Variants in WDR45B observed in about 807,000 individuals in gnomAD.
WDR45B encodes WD repeat domain phosphoinositide-interacting protein 3.
A neutral mutation model predicts 44.6 loss-of-function variants in WDR45B; 20 were observed. That is an observed-to-expected ratio of 0.45 (90% CI 0.32 to 0.65). The LOEUF is 0.65. Ranked by LOEUF, WDR45B falls within the 30% of genes least tolerant of loss-of-function variation. The pLI is 0.05. For missense variants in WDR45B, 323 were observed against 430.2 expected (o/e 0.75, Z 2.20); for synonymous variants, 169 against 164.9 (o/e 1.02, Z -0.19).
intron 1 of WDR45B, among the ~76,000 whole-genome samples, chr17:82,646,562 AC>A (rs2143396313): frequency 6.6e-6 from 1 of 151,996 alleles, no homozygotes; most frequent in East Asian, 1.9e-4. Flanking sequence ...AAAATAAAGT[AC>A]AGAAGTAGGC....
rs1307332001 is a variant in WDR45B, at chr17:82,619,106, T to C, written c.641A>G (p.Asp214Gly). The C allele has an allele frequency of 1.2e-6, 2 of 1,614,080 alleles. No individual in the cohort carries two copies. Among genetic ancestry groups the C allele is most frequent in the Non-Finnish European group, 1.7e-6 (2 of 1,180,042 alleles). ...SEKGTLIRIF[D>G]TSSGHLIQEL... ...CTGGATTAAATGCCCTGATGAAGTA[T>C]CAAATATTCTTATAAGCGTCCCCTT... is the stretch of plus-strand genomic sequence containing the variant. Residue 214 changes from aspartate to glycine, a missense_variant, in exon 7 of 10, where the codon GAT (aspartate) becomes GGT (glycine). Coordinates refer to ENST00000392325, the MANE Select transcript of WDR45B (RefSeq NM_019613.4).
At chr17:82,633,104 A>C (rs897053416) in intron 2 of WDR45B, among the ~76,000 whole-genome samples, 3 of 150,268 alleles carry the variant, frequency 2.0e-5, no homozygotes, top group Non-Finnish European at 4.4e-5. Flanking sequence ...CAGAGGTTGC[A>C]GTGAGCAAGG....
rs1247377789 is a variant in WDR45B at position 82,615,076 on chromosome 17, G to A, written c.*843C>T. On this transcript the variant is annotated 3_prime_UTR_variant, in exon 10 of 10. Coordinates refer to ENST00000392325, the MANE Select transcript of WDR45B (RefSeq NM_019613.4). ...GCAGACGACCCCGAAGTTAAAGGAT[G>A]TTTTCCCCATAACGAATGTTCAAAG... The A allele has an allele frequency of 6.6e-6, 1 of 152,118 alleles. No individual in the cohort carries two copies. The highest frequency in any genetic ancestry group is 2.4e-5 in the African/African-American group (1 of 41,406). The allele number at this position is 152,118 out of a possible 1,614,324, so 9.4% of individuals were successfully genotyped here.
At chr17:82,646,906 C>T (rs1487850054) in intron 1 of WDR45B, among the ~76,000 whole-genome samples, 1 of 152,174 alleles carries the variant, frequency 6.6e-6, no homozygotes, top group East Asian at 1.9e-4. Flanking sequence ...GGGCATCAGG[C>T]ATCAAAATCA....
At chr17:82,616,377 G>A (rs2045535405) in intron 9 of WDR45B, 147 bp downstream of exon 9, 1 of 1,300,578 alleles carries the variant, frequency 7.7e-7, no homozygotes, top group Non-Finnish European at 1.1e-6. Flanking sequence ...GGGACACACT[G>A]AGCCCACAGG....
At chr17:82,629,172 T>C (rs1459497268) in intron 3 of WDR45B, among the ~76,000 whole-genome samples, 1 of 152,216 alleles carries the variant, frequency 6.6e-6, no homozygotes, top group African/African-American at 2.4e-5. Flanking sequence ...CCTGAGATTA[T>C]CTCATACAAA....
intron 5 of WDR45B, among the ~76,000 whole-genome samples, chr17:82,624,077 T>A (rs1568005039): frequency 6.6e-6 from 1 of 151,846 alleles, no homozygotes; most frequent in Non-Finnish European, 1.5e-5. Flanking sequence ...CCAAGAGACA[T>A]GAAACTACCC....
intron 8 of WDR45B, 123 bp from the exon 9 acceptor site, chr17:82,616,768 A>T (rs1365914405): frequency 8.7e-6 from 11 of 1,257,782 alleles, no homozygotes; most frequent in Admixed American, 2.3e-5. Flanking sequence ...GCTTTAATGA[A>T]TTTTTTTTTT....
At chr17:82,645,952 C>T (rs543587993) in intron 1 of WDR45B, among the ~76,000 whole-genome samples, 1 of 151,726 alleles carries the variant, frequency 6.6e-6, no homozygotes, top group African/African-American at 2.4e-5. Context: ...GAAACCCCAT[C>T]TCTATTCAAA....
At chr17:82,617,187 G>A (rs2045548539) in intron 8 of WDR45B, 109 bp downstream of exon 8, 1 of 946,126 alleles carries the variant, frequency 1.1e-6, no homozygotes, top group Non-Finnish European at 1.7e-6. Context: ...AGCATATGAG[G>A]TCTGTCCACA....
chr17:82,635,291 AT>A lies in WDR45B; in HGVS notation c.143-4270del, dbSNP rs558231867. On this transcript the variant is annotated intron_variant, in intron 2 of 9. Coordinates refer to ENST00000392325, the MANE Select transcript of WDR45B (RefSeq NM_019613.4). The stretch of plus-strand genomic sequence containing the variant: ...AGAAACACATCTGAGTGACCTGAGA[AT>A]TATGTCAAGGTCACTAATGTACTCT... 3.9e-5 allele frequency among the ~76,000 whole-genome samples: 6 copies of A among 152,032 alleles called. No homozygotes were observed. In the South Asian group the frequency reaches 1.2e-3, roughly 32 times the overall value.
chr17:82,631,554 G>A (rs1212552696), intron 2 of WDR45B, among the ~76,000 whole-genome samples: 5 of 146,300 alleles, frequency 3.4e-5, no homozygotes, highest in Admixed American at 2.1e-4. Context: ...CAAAATGCTG[G>A]GACTACAGAC....
At position 82,621,782 on chromosome 17, in the gene WDR45B, G is replaced by C; in HGVS notation, c.445C>G (p.Pro149Ala). The C allele has an allele frequency of 6.2e-7, 1 of 1,614,112 alleles. No individual in the cohort carries two copies. The highest frequency in any genetic ancestry group is 8.5e-7 in the Non-Finnish European group (1 of 1,180,026). The change falls in exon 6 of 10, where the codon CCC (proline) becomes GCC (alanine). Residue 149 changes from proline to alanine, a missense_variant. Pro to Ala is a conservative substitution (Grantham distance 27). Coordinates refer to ENST00000392325, the MANE Select transcript of WDR45B (RefSeq NM_019613.4). The stretch of plus-strand genomic sequence containing the variant: ...GCCAGGAGGGAGTTGTTACTATTGG[G>C]ACAAAGGACACAGAGGCCTGCGTGG... ...YNPKGLCVLC[P>A]NSNNSLLAFP...
At chr17:82,645,562 G>A (rs2045965321) in intron 1 of WDR45B, among the ~76,000 whole-genome samples, 1 of 151,786 alleles carries the variant, frequency 6.6e-6, no homozygotes, top group African/African-American at 2.4e-5. Flanking sequence ...TCTTAGACCT[G>A]CTAGTTGAGG....
chr17:82,639,756 G>C (rs1367465434), intron 2 of WDR45B, among the ~76,000 whole-genome samples: 3 of 149,968 alleles, frequency 2.0e-5, no homozygotes, highest in Non-Finnish European at 3.0e-5. Context: ...GCTGTGTGTA[G>C]GTGGGGCGGG....
At chr17:82,625,925 C>T (rs1224403195) in intron 4 of WDR45B, 2 of 242,688 alleles carry the variant, frequency 8.2e-6, no homozygotes, top group African/African-American at 2.3e-5. Flanking sequence ...CACTCTGTCG[C>T]TCAGGCTGGA....
intron 4 of WDR45B, chr17:82,626,837 C>G (rs1171082627): frequency 3.3e-6 from 1 of 302,654 alleles, no homozygotes; most frequent in Admixed American, 4.7e-5. Flanking sequence ...TATTGAGAGG[C>G]AGCATTTGGC....
chr17:82,616,068 T>G, intron 9 of WDR45B, 43 bp from the exon 10 acceptor site: 1 of 1,575,198 alleles, frequency 6.3e-7, no homozygotes. Flanking sequence ...TTTCTTTCCC[T>G]CAAGTTAAAA....
At chr17:82,642,615 G>C (rs967457753) in intron 2 of WDR45B, among the ~76,000 whole-genome samples, 2 of 152,152 alleles carry the variant, frequency 1.3e-5, no homozygotes, top group African/African-American at 4.8e-5. Flanking sequence ...GTGGGGACTG[G>C]GGCAGTCTTG....
Sources: gnomAD v4.1 joint callset for allele counts (sites outside exome capture counted in the v4.1 genomes callset) on GRCh38, gnomAD v4.1.1 for gene constraint, MANE v1.5 for transcripts, NCBI Gene and HGNC (gene_info 2026-07-23, HGNC 2026-07-21) for gene names.